MAP2: variants seen among roughly 807,000 people sequenced by gnomAD.
The protein encoded by MAP2 is microtubule associated protein 2.
In MAP2, 14 loss-of-function variants were observed where a neutral mutation model predicts 137.6. The ratio of observed to expected loss-of-function variants is 0.10; its 90% CI spans 0.07 to 0.16. The LOEUF (loss-of-function observed/expected upper bound fraction) is 0.16, where lower values mean the gene tolerates loss of function less well. MAP2 is among the 10% of genes least tolerant of loss of function. The probability of loss-of-function intolerance (pLI) is 1.00; values close to 1 mark genes in which losing one functional copy is unlikely to be tolerated. For missense variants in MAP2, 2,088 were observed against 2,191.5 expected (o/e 0.95, Z 0.94); for synonymous variants, 786 against 782.3 (o/e 1.00, Z -0.08).
intron 2 of MAP2, among the ~76,000 whole-genome samples, chr2:209,533,476 C>T (rs1390265133): frequency 2.6e-5 from 4 of 152,152 alleles, no homozygotes; most frequent in African/African-American, 9.7e-5. Context: ...GCTCTGTTTT[C>T]AGTACAAACA....
rs1390547480 is a variant in MAP2, at chr2:209,730,644, T to C, written c.*247T>C. The C allele has an allele frequency of 2.1e-6, 1 of 484,198 alleles. No individual in the cohort carries two copies. Among genetic ancestry groups the C allele is most frequent in the Non-Finnish European group, 3.7e-6 (1 of 267,380 alleles). The allele number at this position is 484,198 out of a possible 1,614,324, so 30.0% of individuals were successfully genotyped here. A position where few individuals can be genotyped will look rare whatever the true frequency, so the allele number is the denominator to read the frequency against. On this transcript the variant is annotated 3_prime_UTR_variant, in exon 16 of 16. Coordinates refer to ENST00000682079, the MANE Select transcript of MAP2 (RefSeq NM_001375505.1). ...TTCAATTGGACAATTATTTTTGCTC[T>C]GCTCTGTTTTGCATGGAGTATTATT...
intron 2 of MAP2, among the ~76,000 whole-genome samples, chr2:209,563,850 T>C (rs1024330369): frequency 3.9e-5 from 6 of 152,242 alleles, no homozygotes; most frequent in African/African-American, 1.2e-4. Context: ...GCTTTTTTTT[T>C]CTATGGTTAC....
At chr2:209,679,081 G>T (rs1284674727) in intron 6 of MAP2, among the ~76,000 whole-genome samples, 2 of 152,008 alleles carry the variant, frequency 1.3e-5, no homozygotes. Flanking sequence ...TGATTATACT[G>T]TAGCCTTGTT....
chr2:209,707,241 A>C (rs2063724986), intron 12 of MAP2, among the ~76,000 whole-genome samples: 2 of 152,194 alleles, frequency 1.3e-5, no homozygotes, highest in South Asian at 4.1e-4. Context: ...GATTCATTAA[A>C]TGTTCAGCAC....
At chr2:209,605,011 C>T (rs1010845912) in intron 3 of MAP2, among the ~76,000 whole-genome samples, 1 of 151,992 alleles carries the variant, frequency 6.6e-6, no homozygotes, top group Non-Finnish European at 1.5e-5. Context: ...AGTAATTTCT[C>T]ACTGTGTTTT....
chr2:209,504,681 C>T (rs746005001), intron 1 of MAP2, among the ~76,000 whole-genome samples: 2 of 152,088 alleles, frequency 1.3e-5, no homozygotes, highest in Non-Finnish European at 2.9e-5. Context: ...TAAAATTTAA[C>T]ATTTTAACCA....
intron 1 of MAP2, among the ~76,000 whole-genome samples, chr2:209,445,100 G>T (rs1435871406): frequency 6.6e-6 from 1 of 151,462 alleles, no homozygotes. Flanking sequence ...CTCAGATTTT[G>T]ATTTAGAATC....
At position 209,696,850 on chromosome 2, in the gene MAP2, C is replaced by T. The variant is rs545091515; in HGVS notation, c.4388-67C>T. On this transcript the variant is annotated intron_variant, in intron 9 of 15. Coordinates refer to ENST00000682079, the MANE Select transcript of MAP2 (RefSeq NM_001375505.1). ...TGGTAACTAATTATTTATAAAATTT[C>T]GTTCGGTTTTGCTCCACGTGTTTAT... 31 of 1,546,708 alleles carry T rather than the reference C, an allele frequency of 2.0e-5. No homozygotes were observed. The Admixed American group carries it at 3.8e-4, about 19-fold the overall frequency.
At chr2:209,660,701 AATTATTATTATTATT>A (rs562421271) in intron 5 of MAP2, among the ~76,000 whole-genome samples, 53 of 104,438 alleles carry the variant, frequency 5.1e-4, no homozygotes, top group East Asian at 2.6e-3. Context: ...GGCCTGCTGC[AATTATTATTATTATT>A]ATTATTATTA....
At chr2:209,598,647 T>C (rs1274517706) in intron 3 of MAP2, among the ~76,000 whole-genome samples, 1 of 146,418 alleles carries the variant, frequency 6.8e-6, no homozygotes, top group African/African-American at 2.5e-5. Context: ...CCTTCCTGTG[T>C]CCATGTGACC....
Position 209,459,205 on chromosome 2 carries a change from G to C in MAP2, c.-222+34929G>C, listed in dbSNP as rs190614638. Among the ~76,000 whole-genome samples, 268 of 152,058 alleles carry C rather than the reference G, an allele frequency of 1.8e-3. 2 individuals carry two copies. Among genetic ancestry groups the C allele is most frequent in the African/African-American group, 6.2e-3 (258 of 41,472 alleles). Reference sequence around the variant, plus strand: ...TCCACTCTTTATTAGCTCTCATCTTGGGTAAATTATTTAACATCTCATGCC... The same window carrying C: ...TCCACTCTTTATTAGCTCTCATCTTCGGTAAATTATTTAACATCTCATGCC... On this transcript the variant is annotated intron_variant, in intron 1 of 15. Coordinates refer to ENST00000682079, the MANE Select transcript of MAP2 (RefSeq NM_001375505.1).
chr2:209,536,448 T>C (rs1437742925), intron 2 of MAP2, among the ~76,000 whole-genome samples: 1 of 152,156 alleles, frequency 6.6e-6, no homozygotes, highest in African/African-American at 2.4e-5. Flanking sequence ...AGAAAAAAAG[T>C]TTTCTTGACT....
At chr2:209,583,139 G>A (rs374650139) in intron 3 of MAP2, among the ~76,000 whole-genome samples, 36 of 112,838 alleles carry the variant, frequency 3.2e-4, no homozygotes, top group South Asian at 1.4e-3. Context: ...CTATCCATCT[G>A]TCTGTCTGTC....
chr2:209,426,538 A>G (rs945985966), intron 1 of MAP2, among the ~76,000 whole-genome samples: 1 of 152,196 alleles, frequency 6.6e-6, no homozygotes, highest in Non-Finnish European at 1.5e-5. Flanking sequence ...AGACAGGGAA[A>G]GAATGTGCTG....
intron 4 of MAP2, among the ~76,000 whole-genome samples, chr2:209,651,432 G>A (rs934597359): frequency 9.2e-5 from 14 of 152,202 alleles, no homozygotes; most frequent in Admixed American, 5.9e-4. Flanking sequence ...AATGAATAAT[G>A]ATATAATTAA....
At chr2:209,507,500 C>G (rs2061222216) in intron 1 of MAP2, 92 bp from the exon 2 acceptor site, 1 of 151,982 alleles carries the variant, frequency 6.6e-6, no homozygotes, top group Non-Finnish European at 1.5e-5. Context: ...AGGAACAAGT[C>G]ACTTCTGATT....
At chr2:209,616,768 T>C (rs1279526923) in intron 3 of MAP2, among the ~76,000 whole-genome samples, 1 of 152,058 alleles carries the variant, frequency 6.6e-6, no homozygotes, top group Non-Finnish European at 1.5e-5. Context: ...CAATATGCAT[T>C]GTTAGTGATA....
chr2:209,527,139 C>A (rs538933874), intron 2 of MAP2, among the ~76,000 whole-genome samples: 1 of 152,236 alleles, frequency 6.6e-6, no homozygotes, highest in East Asian at 1.9e-4. Flanking sequence ...TTTCTTGTGG[C>A]AGTTCTTAGT....
chr2:209,434,922 A>ATATATATGT (rs1559157652), intron 1 of MAP2, among the ~76,000 whole-genome samples: 13 of 133,726 alleles, frequency 9.7e-5, no homozygotes, highest in African/African-American at 2.9e-4. Flanking sequence ...TATATATGTT[A>ATATATATGT]TATATATATG....
Sources: allele counts gnomAD v4.1 joint callset (sites outside exome capture counted in the v4.1 genomes callset), GRCh38; gene constraint gnomAD v4.1.1; transcripts MANE v1.5; gene names NCBI Gene and HGNC (gene_info 2026-07-23, HGNC 2026-07-21).